Variants in CDH6 observed in about 807,000 individuals in gnomAD.
CDH6 encodes the protein cadherin 6.
A neutral mutation model predicts 78.0 loss-of-function variants in CDH6; 31 were observed. That is an observed-to-expected ratio of 0.40 (90% CI 0.30 to 0.54). The LOEUF is 0.54. CDH6 is among the 20% of genes least tolerant of loss of function. The pLI, the probability that CDH6 is intolerant of heterozygous loss-of-function variation, is 0.56. For synonymous variants in CDH6, 376 were observed against 368.8 expected (o/e 1.02, Z -0.23); for missense variants, 724 against 975.9 (o/e 0.74, Z 3.44).
At chr5:31,312,456 C>T (rs912709736) in intron 7 of CDH6, among the ~76,000 whole-genome samples, 20 of 152,162 alleles carry the variant, frequency 1.3e-4, no homozygotes, top group Non-Finnish European at 2.4e-4. Context: ...CCCAGCACTT[C>T]GGGAGGCCGA....
At chr5:31,289,367 A>G (rs1486935705) in intron 2 of CDH6, among the ~76,000 whole-genome samples, 7 of 152,056 alleles carry the variant, frequency 4.6e-5, no homozygotes, top group Non-Finnish European at 7.4e-5. Flanking sequence ...TATCCAGTCA[A>G]CTGTTGGTGA....
chr5:31,300,217 A>G (rs1281933356), intron 5 of CDH6, among the ~76,000 whole-genome samples: 1 of 152,192 alleles, frequency 6.6e-6, no homozygotes, highest in Non-Finnish European at 1.5e-5. Context: ...CTCCATGAAT[A>G]CCAACTTGGT....
intron 1 of CDH6, among the ~76,000 whole-genome samples, chr5:31,228,959 G>A (rs900321636): frequency 6.6e-5 from 10 of 152,070 alleles, no homozygotes; most frequent in South Asian, 4.1e-4. Context: ...TCTCTCATAG[G>A]GCATAAAAAG....
intron 1 of CDH6, among the ~76,000 whole-genome samples, chr5:31,247,045 C>T (rs1426700213): frequency 6.6e-6 from 1 of 152,200 alleles, no homozygotes; most frequent in African/African-American, 2.4e-5. Context: ...GCTACCGCAC[C>T]CGGCCTAAAG....
chr5:31,202,018 A>G (rs1177993692), intron 1 of CDH6, among the ~76,000 whole-genome samples: 2 of 152,214 alleles, frequency 1.3e-5, no homozygotes, highest in Non-Finnish European at 2.9e-5. Flanking sequence ...CGGATAATTC[A>G]GTGGGAAATG....
intron 1 of CDH6, among the ~76,000 whole-genome samples, chr5:31,258,917 A>C (rs1742134576): frequency 6.6e-6 from 1 of 152,160 alleles, no homozygotes; most frequent in Non-Finnish European, 1.5e-5. Flanking sequence ...GAGTGAGGGC[A>C]CCCTAGTCTG....
chr5:31,279,653 G>A (rs1235529774), intron 2 of CDH6, among the ~76,000 whole-genome samples: 1 of 152,094 alleles, frequency 6.6e-6, no homozygotes, highest in African/African-American at 2.4e-5. Context: ...AGTGGAGGTG[G>A]ATCATCATAA....
chr5:31,299,995 A>G (rs1168658734), intron 5 of CDH6, among the ~76,000 whole-genome samples: 1 of 152,262 alleles, frequency 6.6e-6, no homozygotes, highest in Non-Finnish European at 1.5e-5. Flanking sequence ...TTAATCAGGC[A>G]TGTAATCTCT....
chr5:31,280,277 G>T (rs992422195), intron 2 of CDH6, among the ~76,000 whole-genome samples: 2 of 152,200 alleles, frequency 1.3e-5, no homozygotes, highest in Non-Finnish European at 2.9e-5. Context: ...AGGGAGCAAT[G>T]ATAATATTGT....
At chr5:31,273,701 T>C (rs995490433) in intron 2 of CDH6, among the ~76,000 whole-genome samples, 35 of 152,008 alleles carry the variant, frequency 2.3e-4, no homozygotes, top group African/African-American at 8.2e-4. Context: ...CAAATACTTA[T>C]TGAGAATCTA....
At chr5:31,276,563 C>A (rs1296313093) in intron 2 of CDH6, among the ~76,000 whole-genome samples, 2 of 152,074 alleles carry the variant, frequency 1.3e-5, no homozygotes, top group South Asian at 2.1e-4. Flanking sequence ...GGATTTAATG[C>A]CCACTAGAGG....
intron 1 of CDH6, among the ~76,000 whole-genome samples, chr5:31,219,694 A>C (rs764697952): frequency 6.6e-6 from 1 of 152,194 alleles, no homozygotes; most frequent in Non-Finnish European, 1.5e-5. Context: ...ATGGATTCCA[A>C]GTTCCAGGAG....
At position 31,302,770 on chromosome 5, in the gene CDH6, AAAG is replaced by A. The variant is rs1289847958; in HGVS notation, c.999+478_999+480del. 5.4e-4 allele frequency among the ~76,000 whole-genome samples: 37 copies of A among 68,928 alleles called. 1 individual carries two copies. Among genetic ancestry groups the A allele is most frequent in the African/African-American group, 5.5e-4 (13 of 23,810 alleles). The allele number at this position is 68,928 out of a possible 152,430, so 45.2% of individuals were successfully genotyped here. Reference sequence around the variant, plus strand: ...AGGAAGGAGAAAGAAAGAAAGAAAGAAAGAAGAAAGAGAGAGAGAGAGAGAGAG... The same window carrying A: ...AGGAAGGAGAAAGAAAGAAAGAAAGAAAGAAAGAGAGAGAGAGAGAGAGAG... On this transcript the variant is annotated intron_variant, in intron 6 of 11. Transcript: ENST00000265071.
chr5:31,280,196 C>T (rs2149939898), intron 2 of CDH6, among the ~76,000 whole-genome samples: 1 of 152,258 alleles, frequency 6.6e-6, no homozygotes, highest in South Asian at 2.1e-4. Context: ...GAAAGTATTC[C>T]CTGGCAGGCT....
chr5:31,264,326 A>G (rs1742284405), intron 1 of CDH6, among the ~76,000 whole-genome samples: 1 of 152,240 alleles, frequency 6.6e-6, no homozygotes, highest in Non-Finnish European at 1.5e-5. Flanking sequence ...AGAATACCTA[A>G]TACTTATTAA....
chr5:31,255,912 A>G (rs918164378), intron 1 of CDH6, among the ~76,000 whole-genome samples: 12 of 152,244 alleles, frequency 7.9e-5, no homozygotes, highest in African/African-American at 2.2e-4. Context: ...TCTTTCCATT[A>G]TAACTTGGCA....
At chr5:31,238,535 T>C (rs1741514582) in intron 1 of CDH6, among the ~76,000 whole-genome samples, 1 of 152,242 alleles carries the variant, frequency 6.6e-6, no homozygotes. Flanking sequence ...GTTTTCACTA[T>C]CGTAATCCTA....
intron 2 of CDH6, among the ~76,000 whole-genome samples, chr5:31,292,822 CATATATATATATAT>C (rs1160180405): frequency 8.0e-5 from 4 of 49,952 alleles, no homozygotes; most frequent in South Asian, 6.0e-4. Context: ...TATATGTGTG[CATATATATATATAT>C]ATATATATAT....
rs58366711 is a variant in CDH6, at chr5:31,269,265, TAA to T, written c.228+1579_228+1580del. 2.1e-3 allele frequency among the ~76,000 whole-genome samples: 290 copies of T among 138,444 alleles called. 1 individual carries two copies. Among genetic ancestry groups the T allele is most frequent in the African/African-American group, 3.2e-3 (120 of 36,940 alleles). 90.8% of individuals were successfully genotyped at this position (138,444 alleles called of 152,430 possible). ...TTACATCTATAATGCCACATATTCTTAAAAAAAAAAAAAAAAGCGGGGGGGGC... is the reference window on the plus strand; with the variant it reads ...TTACATCTATAATGCCACATATTCTTAAAAAAAAAAAAAAGCGGGGGGGGC... On this transcript the variant is annotated intron_variant, in intron 2 of 11. Coordinates refer to ENST00000265071, the MANE Select transcript of CDH6 (RefSeq NM_004932.4).
Sources: gnomAD v4.1 joint callset for allele counts (sites outside exome capture counted in the v4.1 genomes callset) on GRCh38, gnomAD v4.1.1 for gene constraint, MANE v1.5 for transcripts, NCBI Gene and HGNC (gene_info 2026-07-23, HGNC 2026-07-21) for gene names.